Variants in MFSD6 observed in about 807,000 individuals in gnomAD.
MFSD6 encodes the protein major facilitator superfamily domain-containing protein 6.
MFSD6 carries 26 observed loss-of-function variants against 56.3 expected under a neutral mutation model. The ratio of observed to expected loss-of-function variants is 0.46; its 90% CI spans 0.34 to 0.64. The LOEUF (loss-of-function observed/expected upper bound fraction) is 0.64. MFSD6 is among the 30% of genes least tolerant of loss of function. The probability of loss-of-function intolerance (pLI) is 0.01; values close to 1 mark genes in which losing one functional copy is unlikely to be tolerated. For missense variants in MFSD6, 750 were observed against 986.2 expected (o/e 0.76, Z 3.21); for synonymous variants, 331 against 366.9 (o/e 0.90, Z 1.12).
Position 190,483,338 on chromosome 2 carries a change from G to C in MFSD6, c.1631-5319G>C, listed in dbSNP as rs186569431. Among the ~76,000 whole-genome samples, 276 of 152,238 alleles carry C rather than the reference G, an allele frequency of 1.8e-3. 3 individuals carry two copies. The highest frequency in any genetic ancestry group is 6.1e-3 in the African/African-American group (253 of 41,528). ...TGTAATATTTAAGCACCTAAGCTCTGAACTTGGACACCTTGGGTTCAAATC... is the reference window on the plus strand; with the variant it reads ...TGTAATATTTAAGCACCTAAGCTCTCAACTTGGACACCTTGGGTTCAAATC... On this transcript the variant is annotated intron_variant, in intron 4 of 7. Transcript: ENST00000392328.
chr2:190,460,584 A>T (rs565541004), intron 3 of MFSD6, among the ~76,000 whole-genome samples: 8 of 152,374 alleles, frequency 5.3e-5, no homozygotes, highest in African/African-American at 1.7e-4. Flanking sequence ...AAAATGAGCC[A>T]GCATAATATG....
rs528030732 is a variant in MFSD6 at position 190,429,534 on chromosome 2, G to A, written c.-53-6443G>A. On this transcript the variant is annotated intron_variant, in intron 2 of 7. Transcript: ENST00000392328. ...GTAAAGACGGGGTTTCATCATGTTG[G>A]CCAGCCTGGTTTCGAACTCTTGATC... 1.9e-4 allele frequency among the ~76,000 whole-genome samples: 29 copies of A among 151,976 alleles called. No homozygotes were observed. The Middle Eastern group carries it at 0.017, about 89-fold the overall frequency.
chr2:190,460,808 T>C (rs978465190), intron 3 of MFSD6, among the ~76,000 whole-genome samples: 2 of 151,886 alleles, frequency 1.3e-5, no homozygotes, highest in Non-Finnish European at 2.9e-5. Context: ...TCCCTGCGAG[T>C]GGGAGGACTG....
chr2:190,408,038 C>G (rs920143566), upstream of MFSD6, among the ~76,000 whole-genome samples: 2 of 152,104 alleles, frequency 1.3e-5, no homozygotes, highest in Non-Finnish European at 1.5e-5. Flanking sequence ...GCGTGCTCCC[C>G]GGGCCCGGCT....
intron 2 of MFSD6, among the ~76,000 whole-genome samples, chr2:190,429,394 C>T (rs1485586781): frequency 2.0e-5 from 3 of 151,142 alleles, no homozygotes; most frequent in Admixed American, 6.6e-5. Context: ...GGTGCAATCT[C>T]GGCTCACTGC....
intron 3 of MFSD6, among the ~76,000 whole-genome samples, chr2:190,466,397 C>T (rs1263742721): frequency 1.3e-5 from 2 of 152,180 alleles, no homozygotes; most frequent in African/African-American, 2.4e-5. Flanking sequence ...TTCATAGATC[C>T]AAATGCTGTC....
At chr2:190,444,564 G>A (rs930100591) in intron 3 of MFSD6, among the ~76,000 whole-genome samples, 5 of 152,130 alleles carry the variant, frequency 3.3e-5, no homozygotes, top group African/African-American at 1.2e-4. Flanking sequence ...GAGATTTTAT[G>A]GTTCCATCGA....
rs1012610401 is a variant in MFSD6, at chr2:190,492,258, C to T, written c.1891+2392C>T. 8.7e-4 allele frequency among the ~76,000 whole-genome samples: 132 copies of T among 152,234 alleles called. 1 individual carries two copies. The highest frequency in any genetic ancestry group is 2.8e-3 in the African/African-American group (115 of 41,542). On this transcript the variant is annotated intron_variant, in intron 6 of 7. Coordinates refer to ENST00000392328, the MANE Select transcript of MFSD6 (RefSeq NM_017694.4). The surrounding 1 kb of genome is among the most constrained non-coding windows in gnomAD (Gnocchi z 5.2). Reference sequence around the variant, plus strand: ...TGATGAAATAATCAAGGAAAACTTGCTAGAGACCTAAACATCCAAATACAA... The same window carrying T: ...TGATGAAATAATCAAGGAAAACTTGTTAGAGACCTAAACATCCAAATACAA...
chr2:190,429,760 C>T (rs901722781), intron 2 of MFSD6, among the ~76,000 whole-genome samples: 1 of 151,836 alleles, frequency 6.6e-6, no homozygotes, highest in South Asian at 2.1e-4. Flanking sequence ...GTTATTTAAT[C>T]TTTGACTTTT....
intron 3 of MFSD6, among the ~76,000 whole-genome samples, chr2:190,441,317 C>A (rs1401426356): frequency 2.0e-5 from 3 of 152,012 alleles, no homozygotes; most frequent in African/African-American, 7.3e-5. Context: ...GCTCCTAATG[C>A]CCAGGTTGCA....
At chr2:190,411,479 G>A in intron 1 of MFSD6, 1 of 985,396 alleles carries the variant, frequency 1.0e-6, no homozygotes, top group Non-Finnish European at 1.2e-6. Flanking sequence ...TCTTCAGGAA[G>A]TGAGACAAGA....
rs1689254258 is a variant in MFSD6, at chr2:190,490,200, G to A, written c.1891+334G>A. Among the ~76,000 whole-genome samples, 1 of 151,720 alleles carries A rather than the reference G, an allele frequency of 6.6e-6. No individual in the cohort carries two copies. Among genetic ancestry groups the A allele is most frequent in the South Asian group, 2.1e-4 (1 of 4,816 alleles). ...AGTCAAATACATATAAGGCTATACAGTCATTTTGCTACTAGGGATAGGGAG... is the reference window on the plus strand; with the variant it reads ...AGTCAAATACATATAAGGCTATACAATCATTTTGCTACTAGGGATAGGGAG... On this transcript the variant is annotated intron_variant, in intron 6 of 7. Coordinates refer to ENST00000392328, the MANE Select transcript of MFSD6 (RefSeq NM_017694.4). The surrounding 1 kb of genome is among the most constrained non-coding windows in gnomAD (Gnocchi z 4.5).
chr2:190,469,326 T>A lies in MFSD6; in HGVS notation c.1533-432T>A, dbSNP rs79508025. 0.012 allele frequency among the ~76,000 whole-genome samples: 1,844 copies of A among 152,306 alleles called. 37 individuals carry two copies. Among genetic ancestry groups the A allele is most frequent in the African/African-American group, 0.042 (1,732 of 41,564 alleles). On this transcript the variant is annotated intron_variant, in intron 3 of 7. Transcript: ENST00000392328. This position sits in a 1 kb window ranked among gnomAD's most constrained non-coding sequence, Gnocchi z 5.3. ...ATTCGTGTTTACATATTCTCATTTT[T>A]ATCCTTCCTTCCCCCATTGTAGTGA...
At chr2:190,453,169 G>C (rs1397796097) in intron 3 of MFSD6, among the ~76,000 whole-genome samples, 1 of 152,126 alleles carries the variant, frequency 6.6e-6, no homozygotes, top group Non-Finnish European at 1.5e-5. Flanking sequence ...AAAAGCCAGA[G>C]TTCTTCTGAG....
rs1195962228 is a variant in MFSD6 at position 190,417,997 on chromosome 2, T to TGTGTGTGTGC, written c.-54+2588_-54+2589insGTGTGCGTGT. Among the ~76,000 whole-genome samples the TGTGTGTGTGC allele has an allele frequency of 6.9e-6, 1 of 144,648 alleles. No individual in the cohort carries two copies. Among genetic ancestry groups the TGTGTGTGTGC allele is most frequent in the Non-Finnish European group, 1.5e-5 (1 of 65,000 alleles). The allele number at this position is 144,648 out of a possible 152,430, so 94.9% of individuals were successfully genotyped here. A position where few individuals can be genotyped will look rare whatever the true frequency, so the allele number is the denominator to read the frequency against. On this transcript the variant is annotated intron_variant, in intron 2 of 7. Coordinates refer to ENST00000392328, the MANE Select transcript of MFSD6 (RefSeq NM_017694.4). This position sits in a 1 kb window ranked among gnomAD's most constrained non-coding sequence, Gnocchi z 5.7. ...GTGTGTGTGTGTGTGTGTGTGTGTG[T>TGTGTGTGTGC]GTGTATGTGAGAGAGAGAGAGATGT...
At chr2:190,464,872 A>G in intron 3 of MFSD6, 1 of 969,766 alleles carries the variant, frequency 1.0e-6, no homozygotes, top group Non-Finnish European at 1.2e-6. Flanking sequence ...TTATTGAGCA[A>G]AATTTATGTT....
rs1335725452 is a variant in MFSD6 at position 190,465,752 on chromosome 2, G to A, written c.1533-4006G>A. 1.3e-5 allele frequency among the ~76,000 whole-genome samples: 2 copies of A among 152,086 alleles called. No individual in the cohort carries two copies. The highest frequency in any genetic ancestry group is 3.9e-4 in the East Asian group (2 of 5,186). On this transcript the variant is annotated intron_variant, in intron 3 of 7. Transcript: ENST00000392328. The surrounding 1 kb of genome is among the most constrained non-coding windows in gnomAD (Gnocchi z 4.6). ...TCACGCCTATAATCCCAGCACTTTG[G>A]GAGGCCGAGGCAGGTGGATCACTTT...
Position 190,436,805 on chromosome 2 carries a change from C to T in MFSD6, c.776C>T (p.Thr259Ile). The change falls in exon 3 of 8, where the codon ACA (threonine) becomes ATA (isoleucine). Residue 259 changes from threonine (T) to isoleucine (I), a missense_variant. Transcript: ENST00000392328. The surrounding 1 kb of genome is among the most constrained non-coding windows in gnomAD (Gnocchi z 5.3). ...TCCCCAGGAAGCGTAACCAAGGAGACAACCACTGTTATTGTTACCACCACC... is the reference window on the plus strand; with the variant it reads ...TCCCCAGGAAGCGTAACCAAGGAGATAACCACTGTTATTGTTACCACCACC... ...PVSPGSVTKETTTVIVTTTKS... is the reference protein window; with the variant it reads ...PVSPGSVTKEITTVIVTTTKS... The T allele has an allele frequency of 6.2e-7, 1 of 1,614,228 alleles. No individual in the cohort carries two copies. The highest frequency in any genetic ancestry group is 8.5e-7 in the Non-Finnish European group (1 of 1,180,034).
At position 190,495,602 on chromosome 2, in the gene MFSD6, A is replaced by G. The variant is rs1313234959; in HGVS notation, c.1892-1837A>G. On this transcript the variant is annotated intron_variant, in intron 6 of 7. Coordinates refer to ENST00000392328, the MANE Select transcript of MFSD6 (RefSeq NM_017694.4). The surrounding 1 kb of genome is among the most constrained non-coding windows in gnomAD (Gnocchi z 4.7). ...ACACTACCTGATTTCAAACTATACT[A>G]TAAGGCCATAGTCACCAAAACAGCA... Among the ~76,000 whole-genome samples, 2 of 152,212 alleles carry G rather than the reference A, an allele frequency of 1.3e-5. No individual in the cohort carries two copies. The highest frequency in any genetic ancestry group is 3.8e-4 in the East Asian group (2 of 5,196).
Sources: gnomAD v4.1 joint callset for allele counts (sites outside exome capture counted in the v4.1 genomes callset) on GRCh38, gnomAD v4.1.1 for gene constraint, Gnocchi (gnomAD v3.1) non-coding constraint, MANE v1.5 for transcripts, NCBI Gene and HGNC (gene_info 2026-07-23, HGNC 2026-07-21) for gene names.